GGT6: variants seen among roughly 807,000 people sequenced by gnomAD.
GGT6 encodes gamma-glutamyltransferase 6.
A neutral mutation model predicts 17.0 loss-of-function variants in GGT6; 13 were observed. That is an observed-to-expected ratio of 0.77 (90% confidence interval 0.50 to 1.22). The LOEUF (loss-of-function observed/expected upper bound fraction) is 1.22. GGT6 is among the 50% of genes most tolerant of loss of function. The pLI is 0.00. For missense variants in GGT6, 628 were observed against 643.7 expected, an observed-to-expected ratio of 0.98 and a Z score of 0.26; for synonymous variants, 305 against 297.9, an observed-to-expected ratio of 1.02 and a Z score of -0.25.
In GGT6 at chr17:4,557,486, TG is replaced by T. The variant is rs2042323859; in HGVS notation, c.*528del. 6.6e-6 allele frequency: 1 copy of T among 151,648 alleles called. No homozygotes were observed. Among genetic ancestry groups the T allele is most frequent in the African/African-American group, 2.4e-5 (1 of 41,232 alleles). The allele number at this position is 151,648 out of a possible 1,614,324, so 9.4% of individuals were successfully genotyped here. On this transcript the variant is annotated 3_prime_UTR_variant, in exon 4 of 4. Transcript: ENST00000381550. ...CCGCCACCATGCCCAGCTAATTTTTTGTATTTTTAGTAGAGACGGGGTTTCG... is the reference window on the plus strand; with the variant it reads ...CCGCCACCATGCCCAGCTAATTTTTTTATTTTTAGTAGAGACGGGGTTTCG...
chr17:4,557,889 G>T lies in GGT6; in HGVS notation c.*126C>A. 1 of 632,144 alleles carries T rather than the reference G, an allele frequency of 1.6e-6. No homozygotes were observed. Among genetic ancestry groups the T allele is most frequent in the South Asian group, 2.2e-5 (1 of 44,782 alleles). The allele number at this position is 632,144 out of a possible 1,614,324, so 39.2% of individuals were successfully genotyped here. ...TATCTTCCTGCCTTGACCACCCAAA[G>T]TGCTGAGATTACAGGTGTGAGGCAC... On this transcript the variant is annotated 3_prime_UTR_variant, in exon 4 of 4. Coordinates refer to ENST00000381550, the MANE Select transcript of GGT6 (RefSeq NM_001288702.2).
In GGT6 at chr17:4,558,133, T is replaced by A; in HGVS notation, c.1382A>T (p.Glu461Val). Reference sequence around the variant, plus strand: ...ACAAGTGCTGGGATGCTCTGTTGGTTCTTGCTGACCCTGATGCTGGTGCTG... The same window carrying A: ...ACAAGTGCTGGGATGCTCTGTTGGTACTTGCTGACCCTGATGCTGGTGCTG... ...QAQHQHQGQQEPTEHPSTCGQ... is the reference protein window; with the variant it reads ...QAQHQHQGQQVPTEHPSTCGQ... The change falls in exon 4 of 4, where the codon GAA becomes GTA. Residue 461 changes from glutamate to valine, a missense_variant. Coordinates refer to ENST00000381550, the MANE Select transcript of GGT6 (RefSeq NM_001288702.2). 6.2e-7 allele frequency: 1 copy of A among 1,613,574 alleles called. No homozygotes were observed. The highest frequency in any genetic ancestry group is 8.5e-7 in the Non-Finnish European group (1 of 1,179,696).
Position 4,559,617 on chromosome 17 carries a change from G to T in GGT6, c.284C>A (p.Pro95His). 2 of 1,613,858 alleles carry T rather than the reference G, an allele frequency of 1.2e-6. No homozygotes were observed. Among genetic ancestry groups the T allele is most frequent in the South Asian group, 2.2e-5 (2 of 91,088 alleles). The change falls in exon 2 of 4, where the codon CCC becomes CAC. Residue 95 changes from proline to histidine, a missense_variant. Coordinates refer to ENST00000381550, the MANE Select transcript of GGT6 (RefSeq NM_001288702.2). The part of the protein sequence containing the change: ...TGSLGSVAPP[P>H]GGHSHGPGVY... ...GCCAGGGCCGTGGGAGTGTCCGCCGGGTGGAGGGGCCACAGAGCCCAAGCT... is the reference window on the plus strand; with the variant it reads ...GCCAGGGCCGTGGGAGTGTCCGCCGTGTGGAGGGGCCACAGAGCCCAAGCT...
At position 4,558,076 on chromosome 17, in the gene GGT6, T is replaced by G; in HGVS notation, c.1439A>C (p.His480Pro). 1 of 1,599,088 alleles carries G rather than the reference T, an allele frequency of 6.3e-7. No homozygotes were observed. The highest frequency in any genetic ancestry group is 8.5e-7 in the Non-Finnish European group (1 of 1,171,970). ...ACTGGAGACATGGGCGTGCTCTGTG[T>G]GGGCTGCCACCTGGAGCAGGGTCCC... ...GQGTLLQVAA[H>P]TEHAHVSSVP... Residue 480 changes from histidine (H) to proline (P), a missense_variant, in exon 4 of 4, where the codon CAC (histidine) becomes CCC (proline). By Grantham distance (77) the His-to-Pro change is moderately conservative. Coordinates refer to ENST00000381550, the MANE Select transcript of GGT6 (RefSeq NM_001288702.2).
At position 4,557,801 on chromosome 17, in the gene GGT6, T is replaced by A; in HGVS notation, c.*214A>T. The stretch of plus-strand genomic sequence containing the variant: ...CCACCGCCCCTGGCAAATTTTTAAA[T>A]TTTTAGTACAGATGAGATCTTGCTT... On this transcript the variant is annotated 3_prime_UTR_variant, in exon 4 of 4. Coordinates refer to ENST00000381550, the MANE Select transcript of GGT6 (RefSeq NM_001288702.2). The A allele has an allele frequency of 2.1e-6, 1 of 469,870 alleles. No homozygotes were observed. Among genetic ancestry groups the A allele is most frequent in the East Asian group, 3.2e-5 (1 of 31,062 alleles). 29.1% of individuals were successfully genotyped at this position (469,870 alleles called of 1,614,324 possible). A position where few individuals can be genotyped will look rare whatever the true frequency, so the allele number is the denominator to read the frequency against.
At position 4,558,514 on chromosome 17, in the gene GGT6, A is replaced by C; in HGVS notation, c.1001T>G (p.Leu334Arg). 6.3e-7 allele frequency: 1 copy of C among 1,595,760 alleles called. No individual in the cohort carries two copies. Among genetic ancestry groups the C allele is most frequent in the Admixed American group, 1.7e-5 (1 of 57,302 alleles). The change falls in exon 4 of 4, where the codon CTG becomes CGG. Residue 334 changes from leucine to arginine, a missense_variant. Coordinates refer to ENST00000381550, the MANE Select transcript of GGT6 (RefSeq NM_001288702.2). ...PELLALLEAALRSGAPIPDPC... is the reference protein window; with the variant it reads ...PELLALLEAARRSGAPIPDPC... The stretch of plus-strand genomic sequence containing the variant: ...GTCAGGGATGGGCGCCCCGGAGCGC[A>C]GGGCTGCCTCCAACAGTGCCAGCAG...
chr17:4,558,416 A>G lies in GGT6; in HGVS notation c.1099T>C (p.Ser367Pro), dbSNP rs1183037349. The change falls in exon 4 of 4, where the codon TCT becomes CCT. Residue 367 changes from serine to proline, a missense_variant. Coordinates refer to ENST00000381550, the MANE Select transcript of GGT6 (RefSeq NM_001288702.2). ...AGCGAGGAGGTGAGAAGGAGCACAG[A>G]GCCGCTGCTGTCCACGGCGGCCAGG... The part of the protein sequence containing the change: ...SALAAVDSSG[S>P]VLLLTSSLNC... 6.2e-7 allele frequency: 1 copy of G among 1,605,598 alleles called. No homozygotes were observed. Among genetic ancestry groups the G allele is most frequent in the Non-Finnish European group, 8.5e-7 (1 of 1,179,998 alleles).
At position 4,560,477 on chromosome 17, in the gene GGT6, G is replaced by A. The variant is rs988466667; in HGVS notation, c.45C>T (p.Pro15=). The A allele has an allele frequency of 6.2e-7, 1 of 1,613,598 alleles. No homozygotes were observed. ...CCTCCGACTCCAAGCTTGGCTCCCA[G>A]GGCAGCAGCTTCTGATAGACCACGG... The part of the protein sequence containing the change: ...EEPVVYQKLL[P]WEPSLESEEE... Residue 15 remains proline (P), a synonymous_variant, in exon 1 of 4, where the codon CCC becomes CCT. Coordinates refer to ENST00000381550, the MANE Select transcript of GGT6 (RefSeq NM_001288702.2).
chr17:4,556,846 C>T (rs1908184164), downstream of GGT6: 1 of 152,232 alleles, frequency 6.6e-6, no homozygotes, highest in Non-Finnish European at 1.5e-5. Context: ...TTGTTGGTCA[C>T]CTGTGCTGCC....
chr17:4,559,220 C>T, intron 3 of GGT6, 123 bp downstream of exon 3: 1 of 1,197,694 alleles, frequency 8.3e-7, no homozygotes, highest in Non-Finnish European at 1.2e-6. Context: ...GGTTGGACTG[C>T]TGCCCAAACC....
At position 4,559,403 on chromosome 17, in the gene GGT6, C is replaced by A; in HGVS notation, c.397G>T (p.Asp133Tyr). The A allele has an allele frequency of 6.4e-7, 1 of 1,551,786 alleles. No individual in the cohort carries two copies. Among genetic ancestry groups the A allele is most frequent in the Non-Finnish European group, 8.7e-7 (1 of 1,147,032 alleles). ...CACAATGCAGCTCCAACTCCAGCATCCACGACGTTGCCCCCGGCAACAAGC... is the reference window on the plus strand; with the variant it reads ...CACAATGCAGCTCCAACTCCAGCATACACGACGTTGCCCCCGGCAACAAGC... ...ELLVAGGNVV[D>Y]AGVGAALCLA... Residue 133 changes from aspartate (D) to tyrosine (Y), a missense_variant, in exon 3 of 4, where the codon GAT becomes TAT. By Grantham distance (160) the Asp-to-Tyr change is radical. Transcript: ENST00000381550.
rs377747338 is a variant in GGT6 at position 4,558,778 on chromosome 17, C to G, written c.737G>C (p.Gly246Ala). 1.3e-6 allele frequency: 2 copies of G among 1,567,422 alleles called. No individual in the cohort carries two copies. Among genetic ancestry groups the G allele is most frequent in the African/African-American group, 2.7e-5 (2 of 74,148 alleles). The change falls in exon 4 of 4, where the codon GGG (glycine) becomes GCG (alanine). Residue 246 changes from glycine to alanine, a missense_variant. Gly to Ala is a moderately conservative substitution (Grantham distance 60). Coordinates refer to ENST00000381550, the MANE Select transcript of GGT6 (RefSeq NM_001288702.2). ...GLCPLLCHAD[G>A]TPLGAGARAT... ...TCGGGCCCCAGCGCCCAGGGGTGTC[C>G]CATCAGCATGGCAAAGTAGTGGACA...
In GGT6 at chr17:4,559,579, C is replaced by T. The variant is rs750355595; in HGVS notation, c.322G>A (p.Gly108Ser). ...TGACCTGCAGGGCTGATGATGGCAC[C>T]GTGGTGGTATACGCCAGGGCCGTGG... ...HSHGPGVYHH[G>S]AIISPAATCS... is the part of the protein sequence containing the mutation. Residue 108 changes from glycine (G) to serine (S), a missense_variant, in exon 2 of 4, where the codon GGT (glycine) becomes AGT (serine). Physicochemically the swap from Gly to Ser is moderately conservative, Grantham distance 56. Transcript: ENST00000381550. 42 of 1,613,686 alleles carry T rather than the reference C, an allele frequency of 2.6e-5. No individual in the cohort carries two copies. The highest frequency in any genetic ancestry group is 3.2e-5 in the Non-Finnish European group (38 of 1,179,994).
chr17:4,560,281 C>G (rs1254999360), intron 1 of GGT6, 101 bp downstream of exon 1: 3 of 1,378,096 alleles, frequency 2.2e-6, no homozygotes, highest in Non-Finnish European at 3.0e-6. Flanking sequence ...TGGAGCTAAA[C>G]CCAGCGGGGA....
Position 4,558,680 on chromosome 17 carries a change from C to T in GGT6, c.835G>A (p.Ala279Thr). The change falls in exon 4 of 4, where the codon GCT becomes ACT. Residue 279 changes from alanine to threonine, a missense_variant. Ala to Thr is a moderately conservative substitution (Grantham distance 58). Transcript: ENST00000381550. ...LAPTSDLAGDALLSLLAGDLG... is the reference protein window; with the variant it reads ...LAPTSDLAGDTLLSLLAGDLG... ...TCTCCCGCCAGTAGACTCAGTAGAG[C>T]ATCCCCAGCAAGGTCTGAGGTGGGA... 1.2e-6 allele frequency: 2 copies of T among 1,604,332 alleles called. No individual in the cohort carries two copies. The highest frequency in any genetic ancestry group is 1.7e-6 in the Non-Finnish European group (2 of 1,175,582).
In GGT6 at chr17:4,558,199, G is replaced by T. The variant is rs1275396101; in HGVS notation, c.1316C>A (p.Thr439Asn). 1.9e-6 allele frequency: 3 copies of T among 1,614,072 alleles called. No homozygotes were observed. Among genetic ancestry groups the T allele is most frequent in the Non-Finnish European group, 2.5e-6 (3 of 1,180,042 alleles). ...TPDVARAMTH[T>N]LLRHLAARPP... ...CCTTGCTGCCAGATGCCTGAGTAGG[G>T]TGTGAGTCATGGCCCTGGCCACATC... The change falls in exon 4 of 4, where the codon ACC (threonine) becomes AAC (asparagine). Residue 439 changes from threonine to asparagine, a missense_variant. Transcript: ENST00000381550.
chr17:4,559,325 G>T lies in GGT6; in HGVS notation c.457+18C>A. The T allele has an allele frequency of 6.5e-7, 1 of 1,527,010 alleles. No individual in the cohort carries two copies. The highest frequency in any genetic ancestry group is 8.9e-7 in the Non-Finnish European group (1 of 1,124,392). 94.6% of individuals were successfully genotyped at this position (1,527,010 alleles called of 1,614,324 possible). On this transcript the variant is annotated intron_variant, in intron 3 of 3. Transcript: ENST00000381550. ...GGCTGTGGGTTGGGGTTGCAGTCTG[G>T]GGTCAGGGGTCACTGACCTAGCCCC... is the stretch of plus-strand genomic sequence containing the variant.
At chr17:4,559,801 G>C (rs1252575387) in intron 1 of GGT6, 41 bp from the exon 2 acceptor site, 2 of 1,567,010 alleles carry the variant, frequency 1.3e-6, no homozygotes, top group African/African-American at 2.7e-5. Context: ...TGGGACAGAG[G>C]GATGCCCAAG....
chr17:4,558,842 G>A lies in GGT6; in HGVS notation c.673C>T (p.Leu225=), dbSNP rs747919822. ...AQEGFLVDTP[L]ARALVARGTE... is the part of the protein sequence containing the mutation. ...CCCCGAGCCACCAGAGCCCTTGCCAGGGGTGTGTCCACCAGGAAGCCCTCC... is the reference window on the plus strand; with the variant it reads ...CCCCGAGCCACCAGAGCCCTTGCCAAGGGTGTGTCCACCAGGAAGCCCTCC... Residue 225 remains leucine (L), a synonymous_variant, in exon 4 of 4, where the codon CTG becomes TTG. Transcript: ENST00000381550. 6.5e-7 allele frequency: 1 copy of A among 1,548,208 alleles called. No homozygotes were observed.
Sources: allele counts gnomAD v4.1 joint callset, GRCh38; gene constraint gnomAD v4.1.1; transcripts MANE v1.5; gene names NCBI Gene and HGNC (gene_info 2026-07-23, HGNC 2026-07-21).